RIMS2: variants seen among roughly 807,000 people sequenced by gnomAD.
RIMS2 encodes the protein regulating synaptic membrane exocytosis protein 2.
RIMS2 carries 59 observed loss-of-function variants against 174.4 expected under a neutral mutation model. That is an observed-to-expected ratio of 0.34 (90% CI 0.27 to 0.42). RIMS2 has a LOEUF of 0.42. Ranked by LOEUF, RIMS2 falls within the 10% of genes least tolerant of loss-of-function variation. The pLI, the probability that RIMS2 is intolerant of heterozygous loss-of-function variation, is 1.00. For synonymous variants in RIMS2, 606 were observed against 572.5 expected, an observed-to-expected ratio of 1.06 and a Z score of -0.84; for missense variants, 1,620 against 1,666.3, an observed-to-expected ratio of 0.97 and a Z score of 0.48.
At position 103,903,075 on chromosome 8, in the gene RIMS2, T is replaced by C. The variant is rs182970004; in HGVS notation, c.1625-7059T>C. On this transcript the variant is annotated intron_variant, in intron 4 of 23. Transcript: ENST00000504942. ...CCTACCTAATTAGAATGAAAGTTAATATTTTTTTAAAAAATGATGATGAGA... is the reference window on the plus strand; with the variant it reads ...CCTACCTAATTAGAATGAAAGTTAACATTTTTTTAAAAAATGATGATGAGA... Among the ~76,000 whole-genome samples the C allele has an allele frequency of 8.9e-4, 136 of 152,268 alleles. 1 individual carries two copies. Among genetic ancestry groups the C allele is most frequent in the African/African-American group, 2.9e-3 (120 of 41,584 alleles).
At chr8:103,969,433 A>G (rs1247205833) in intron 15 of RIMS2, among the ~76,000 whole-genome samples, 1 of 152,130 alleles carries the variant, frequency 6.6e-6, no homozygotes, top group African/African-American at 2.4e-5. Flanking sequence ...TTTTATTCAT[A>G]TATCCTGAAG....
intron 19 of RIMS2, among the ~76,000 whole-genome samples, chr8:104,169,438 A>C (rs921287308): frequency 4.0e-5 from 6 of 150,976 alleles, no homozygotes; most frequent in Admixed American, 1.3e-4. Flanking sequence ...GAATTTACCC[A>C]TCTCCTCCAG....
At chr8:103,810,152 G>T (rs1458619596) in intron 3 of RIMS2, among the ~76,000 whole-genome samples, 4 of 152,124 alleles carry the variant, frequency 2.6e-5, no homozygotes, top group African/African-American at 9.7e-5. Context: ...TCACTCTTCA[G>T]TAGCTCTCCA....
chr8:103,505,808 T>C (rs1188383020), intron 1 of RIMS2, among the ~76,000 whole-genome samples: 1 of 152,206 alleles, frequency 6.6e-6, no homozygotes, highest in East Asian at 1.9e-4. Context: ...TGTAGACTTA[T>C]TTGCAATTTT....
At chr8:104,051,986 A>T (rs1165088422) in intron 19 of RIMS2, among the ~76,000 whole-genome samples, 1 of 152,154 alleles carries the variant, frequency 6.6e-6, no homozygotes, top group Admixed American at 6.5e-5. Flanking sequence ...CAGCTTTGTT[A>T]TATTTCATTT....
chr8:103,603,023 T>C lies in RIMS2; in HGVS notation c.177-94063T>C, dbSNP rs893509861. Among the ~76,000 whole-genome samples, 7 of 152,172 alleles carry C rather than the reference T, an allele frequency of 4.6e-5. No homozygotes were observed. The East Asian group carries it at 1.2e-3, about 25-fold the overall frequency. On this transcript the variant is annotated intron_variant, in intron 1 of 23. Transcript: ENST00000504942. The stretch of plus-strand genomic sequence containing the variant: ...TTTTATTTTTTTATTATACTTTAAG[T>C]TTTAGGGTACATGTGCACATTGTGC...
chr8:103,819,722 T>C, intron 3 of RIMS2: 1 of 927,522 alleles, frequency 1.1e-6, no homozygotes, highest in Non-Finnish European at 1.6e-6. Flanking sequence ...GAAGTGCTAG[T>C]GTTATAAAGG....
At chr8:103,591,895 A>G (rs957488843) in intron 1 of RIMS2, among the ~76,000 whole-genome samples, 6 of 151,258 alleles carry the variant, frequency 4.0e-5, no homozygotes, top group African/African-American at 1.4e-4. Flanking sequence ...TTGTACTTCC[A>G]TATAAAGTTA....
chr8:103,889,085 A>G (rs1432821662), intron 4 of RIMS2, among the ~76,000 whole-genome samples: 3 of 151,690 alleles, frequency 2.0e-5, no homozygotes, highest in Non-Finnish European at 4.4e-5. Context: ...TCATCATTAT[A>G]GTAGCATTTT....
intron 19 of RIMS2, among the ~76,000 whole-genome samples, chr8:104,016,317 A>G (rs1406653705): frequency 1.3e-5 from 2 of 152,078 alleles, no homozygotes; most frequent in African/African-American, 4.8e-5. Context: ...ATATATGTTT[A>G]TATTAAATTC....
intron 4 of RIMS2, among the ~76,000 whole-genome samples, chr8:103,907,729 T>A (rs2074753895): frequency 6.6e-6 from 1 of 151,584 alleles, no homozygotes; most frequent in African/African-American, 2.4e-5. Flanking sequence ...TTGTTTTTTT[T>A]ATTTTATTTT....
rs116292541 is a variant in RIMS2, at chr8:104,225,023, C to A, written c.3335-19893C>A. 4.6e-3 allele frequency among the ~76,000 whole-genome samples: 693 copies of A among 152,178 alleles called. 9 individuals are homozygous for A. The highest frequency in any genetic ancestry group is 0.016 in the African/African-American group (651 of 41,516). ...TGTACGTTTACGTTTCACTTGCTTC[C>A]TATAATTAAATATTTAAAATTCTAG... On this transcript the variant is annotated intron_variant, in intron 19 of 23. Coordinates refer to ENST00000504942, the Ensembl canonical transcript of RIMS2.
In RIMS2 at chr8:103,975,370, G is replaced by C. The variant is rs200437104; in HGVS notation, c.2791G>C (p.Asp931His). 52 of 1,612,238 alleles carry C rather than the reference G, an allele frequency of 3.2e-5. No homozygotes were observed. The African/African-American group carries it at 6.1e-4, about 19-fold the overall frequency. ...TTTAGATTATCGACATGATGGTCGAGATCTTCAAAGCTCAACATTATCAGT... is the reference window on the plus strand; with the variant it reads ...TTTAGATTATCGACATGATGGTCGACATCTTCAAAGCTCAACATTATCAGT... Residue 931 changes from aspartate (D) to histidine (H), a missense_variant, in exon 16 of 24, where the codon GAT (aspartate) becomes CAT (histidine). By Grantham distance (81) the Asp-to-His change is moderately conservative. This residue lies in a region of RIMS2 where 1,395 missense variants were observed against 1,360.1 expected (regional missense o/e 1.03). Transcript: ENST00000504942.
At chr8:104,193,131 T>C (rs959312022) in intron 19 of RIMS2, among the ~76,000 whole-genome samples, 2 of 147,912 alleles carry the variant, frequency 1.4e-5, no homozygotes, top group African/African-American at 5.2e-5. Flanking sequence ...ATTCTAATTT[T>C]CTACATGTTT....
chr8:103,514,072 G>A (rs939376729), intron 1 of RIMS2, among the ~76,000 whole-genome samples: 1 of 152,102 alleles, frequency 6.6e-6, no homozygotes, highest in Non-Finnish European at 1.5e-5. Flanking sequence ...ATACAAAATA[G>A]TAAGTAATTC....
intron 3 of RIMS2, among the ~76,000 whole-genome samples, chr8:103,820,189 A>C (rs1423134923): frequency 6.6e-6 from 1 of 151,956 alleles, no homozygotes; most frequent in Non-Finnish European, 1.5e-5. Context: ...TGCTTTTTCA[A>C]CCTGATCATT....
At chr8:103,770,003 G>A (rs904240610) in intron 3 of RIMS2, among the ~76,000 whole-genome samples, 1 of 151,948 alleles carries the variant, frequency 6.6e-6, no homozygotes, top group African/African-American at 2.4e-5. Context: ...TTTTTTTTGG[G>A]AAACACTTTA....
intron 2 of RIMS2, among the ~76,000 whole-genome samples, chr8:103,702,095 A>T (rs1419525717): frequency 1.3e-5 from 2 of 151,986 alleles, no homozygotes; most frequent in Non-Finnish European, 2.9e-5. Flanking sequence ...CCTTGTTAAC[A>T]TTTGTTATTT....
At chr8:104,167,097 T>G (rs1048108425) in intron 19 of RIMS2, among the ~76,000 whole-genome samples, 1 of 152,232 alleles carries the variant, frequency 6.6e-6, no homozygotes, top group African/African-American at 2.4e-5. Flanking sequence ...GCATGTATCT[T>G]TTTCATATAA....
Sources: allele counts gnomAD v4.1 joint callset (sites outside exome capture counted in the v4.1 genomes callset), GRCh38; gene constraint gnomAD v4.1.1; regional missense constraint gnomAD v4.1.1; transcripts MANE v1.5; gene names NCBI Gene and HGNC (gene_info 2026-07-23, HGNC 2026-07-21).